Variants in IGFL2 observed in about 807,000 individuals in gnomAD.
The protein encoded by IGFL2 is IGF like family member 2, also known as insulin growth factor-like family member 2.
Under a neutral mutation model 13.9 loss-of-function variants are expected in IGFL2, and 7 were observed. That is an observed-to-expected ratio of 0.51 (90% CI 0.29 to 0.95). IGFL2 has a LOEUF of 0.95. IGFL2 is among the 40% of genes least tolerant of loss of function. The probability of loss-of-function intolerance (pLI) is 0.08; values close to 1 mark genes in which losing one functional copy is unlikely to be tolerated. For synonymous variants in IGFL2, 55 were observed against 55.8 expected (o/e 0.99, Z 0.07); for missense variants, 138 against 147.8 (o/e 0.93, Z 0.34).
At chr19:46,177,757 T>C in the IGFL2 span, among the ~76,000 whole-genome samples, 6 of 152,002 alleles carry the variant, frequency 3.9e-5, no homozygotes, top group African/African-American at 1.4e-4. Flanking sequence ...GCACTGCAGA[T>C]GGGCTGGGAG....
chr19:46,130,369 C>G, the IGFL2 span, among the ~76,000 whole-genome samples: 1 of 152,260 alleles, frequency 6.6e-6, no homozygotes, highest in South Asian at 2.1e-4. Flanking sequence ...TCCTATGAAA[C>G]AGCCTTTTTC....
chr19:46,130,107 T>C, the IGFL2 span, among the ~76,000 whole-genome samples: 1 of 152,180 alleles, frequency 6.6e-6, no homozygotes. Flanking sequence ...CCCTTTACTA[T>C]TACATAATAC....
chr19:46,161,611 G>A (rs1396968196), downstream of IGFL2, among the ~76,000 whole-genome samples: 3 of 152,062 alleles, frequency 2.0e-5, no homozygotes, highest in African/African-American at 7.2e-5. Flanking sequence ...TTGGTTTAAT[G>A]TCTTTGTCTG....
chr19:46,186,329 A>G, the IGFL2 span, among the ~76,000 whole-genome samples: 1 of 152,150 alleles, frequency 6.6e-6, no homozygotes, highest in Non-Finnish European at 1.5e-5. Context: ...CCTGGCAGTC[A>G]CTTTTAGAGG....
At chr19:46,194,846 ATATATATTTTTTTTT>A in the IGFL2 span, among the ~76,000 whole-genome samples, 10 of 34,888 alleles carry the variant, frequency 2.9e-4, no homozygotes, top group African/African-American at 9.0e-4. Context: ...ATATATATAT[ATATATATTTTTTTTT>A]TTTTTTTTTT....
chr19:46,140,245 C>CTA (rs10574851), upstream of IGFL2, among the ~76,000 whole-genome samples: 29,840 of 148,082 alleles, frequency 0.2, 3,061 homozygotes, highest in African/African-American at 0.23. Flanking sequence ...CACGCCCAGC[C>CTA]TATATATATA....
the IGFL2 span, among the ~76,000 whole-genome samples, chr19:46,176,883 C>T: frequency 6.6e-6 from 1 of 152,276 alleles, no homozygotes; most frequent in African/African-American, 2.4e-5. Context: ...GGGCTGCACC[C>T]CACATTCAGG....
chr19:46,163,651 C>T (rs1045204466), downstream of IGFL2, among the ~76,000 whole-genome samples: 5 of 152,134 alleles, frequency 3.3e-5, no homozygotes, highest in Non-Finnish European at 7.4e-5. Context: ...TTTCAGATGG[C>T]GCTGGAGGCT....
the IGFL2 span, among the ~76,000 whole-genome samples, chr19:46,080,404 AAG>A: frequency 0.032 from 4,892 of 152,176 alleles, 115 homozygotes; most frequent in East Asian, 0.071. Context: ...AAATAAAAAA[AAG>A]AATAAATTTA....
At chr19:46,190,748 G>A in the IGFL2 span, among the ~76,000 whole-genome samples, 1 of 152,192 alleles carries the variant, frequency 6.6e-6, no homozygotes, top group Non-Finnish European at 1.5e-5. Flanking sequence ...TCCCCCATGG[G>A]GGGTGGGGGT....
chr19:46,137,550 A>G, the IGFL2 span: 1 of 1,050,652 alleles, frequency 9.5e-7, no homozygotes, highest in Non-Finnish European at 1.5e-6. Context: ...ATGTCCATGG[A>G]ATCGTCATCC....
chr19:46,164,238 C>G (rs1568436604), downstream of IGFL2: 1 of 150,434 alleles, frequency 6.6e-6, no homozygotes, highest in African/African-American at 2.5e-5. Context: ...AGAACACAAA[C>G]AGGGGTGACT....
At chr19:46,128,655 T>C in the IGFL2 span, among the ~76,000 whole-genome samples, 1 of 152,256 alleles carries the variant, frequency 6.6e-6, no homozygotes, top group Non-Finnish European at 1.5e-5. Context: ...ATTTATTGAT[T>C]TGCATATGTT....
chr19:46,124,250 T>C, the IGFL2 span: 1 of 1,609,976 alleles, frequency 6.2e-7, no homozygotes, highest in African/African-American at 1.4e-5. Context: ...TCCTCATTTT[T>C]CCCTGTCCTG....
chr19:46,138,230 A>T (rs1344793844), upstream of IGFL2, among the ~76,000 whole-genome samples: 1 of 152,036 alleles, frequency 6.6e-6, no homozygotes, highest in Non-Finnish European at 1.5e-5. Flanking sequence ...TTGAGGGTTT[A>T]ACTATGGTAT....
the IGFL2 span, chr19:46,124,028 C>T: frequency 1.2e-6 from 2 of 1,611,486 alleles, no homozygotes; most frequent in Non-Finnish European, 1.7e-6. Context: ...CAGGTGGAGC[C>T]ACAGCGGCGG....
At position 46,161,147 on chromosome 19, in the gene IGFL2, A is replaced by G; in HGVS notation, c.*59A>G. On this transcript the variant is annotated 3_prime_UTR_variant, in exon 4 of 4. Coordinates refer to ENST00000377693, the MANE Select transcript of IGFL2 (RefSeq NM_001135113.2). Reference sequence around the variant, plus strand: ...GCATCTCAGAAACATAGGCTAAGGTAATATGTGTACCAGTAGAGAAGCCTG... The same window carrying G: ...GCATCTCAGAAACATAGGCTAAGGTGATATGTGTACCAGTAGAGAAGCCTG... 1 of 1,300,980 alleles carries G rather than the reference A, an allele frequency of 7.7e-7. No homozygotes were observed. Among genetic ancestry groups the G allele is most frequent in the Admixed American group, 2.0e-5 (1 of 50,828 alleles). 80.6% of individuals were successfully genotyped at this position (1,300,980 alleles called of 1,614,324 possible). A position where few individuals can be genotyped will look rare whatever the true frequency, so the allele number is the denominator to read the frequency against.
the IGFL2 span, among the ~76,000 whole-genome samples, chr19:46,084,448 C>T: frequency 6.6e-6 from 1 of 152,172 alleles, no homozygotes; most frequent in Non-Finnish European, 1.5e-5. Flanking sequence ...CTGCATCTGT[C>T]TCTCTCTTCA....
chr19:46,199,838 A>G, the IGFL2 span, among the ~76,000 whole-genome samples: 10 of 152,240 alleles, frequency 6.6e-5, no homozygotes, highest in African/African-American at 2.4e-4. Flanking sequence ...TTAGGCAAGA[A>G]GGAAGCCAGG....
Sources: gnomAD v4.1 joint callset for allele counts (sites outside exome capture counted in the v4.1 genomes callset) on GRCh38, gnomAD v4.1.1 for gene constraint, MANE v1.5 for transcripts, NCBI Gene and HGNC (gene_info 2026-07-23, HGNC 2026-07-21) for gene names.